SLC24A2: variants seen among roughly 807,000 people sequenced by gnomAD.
SLC24A2 encodes the protein sodium/potassium/calcium exchanger 2.
Under a neutral mutation model 62.0 loss-of-function variants are expected in SLC24A2, and 36 were observed. The observed-to-expected ratio is 0.58, with a 90% CI of 0.44 to 0.77. SLC24A2 has a LOEUF of 0.77. SLC24A2 is among the 30% of genes least tolerant of loss of function. SLC24A2 has a pLI of 0.00. For synonymous variants in SLC24A2, 358 were observed against 294.0 expected (o/e 1.22, Z -2.23); for missense variants, 846 against 817.9 (o/e 1.03, Z -0.42).
chr9:19,611,679 A>T (rs1444937433), intron 4 of SLC24A2, among the ~76,000 whole-genome samples: 1 of 152,060 alleles, frequency 6.6e-6, no homozygotes, highest in African/African-American at 2.4e-5. Context: ...GCCACTGTGA[A>T]ATAAATTGGA....
At chr9:20,091,905 G>A in the SLC24A2 span, among the ~76,000 whole-genome samples, 26 of 152,296 alleles carry the variant, frequency 1.7e-4, no homozygotes, top group South Asian at 3.9e-3. Context: ...GGAATACTAT[G>A]CAGCCATTAA....
intron 2 of SLC24A2, among the ~76,000 whole-genome samples, chr9:19,687,160 A>G (rs1038138902): frequency 2.0e-4 from 30 of 152,100 alleles, no homozygotes; most frequent in Non-Finnish European, 4.4e-4. Flanking sequence ...GTGAGGATCA[A>G]AAAGCTACCT....
At chr9:19,525,192 A>C (rs879765460) in intron 9 of SLC24A2, among the ~76,000 whole-genome samples, 23 of 152,104 alleles carry the variant, frequency 1.5e-4, no homozygotes, top group Non-Finnish European at 3.2e-4. Flanking sequence ...CTGAAGTCAA[A>C]TGTCAGTAAA....
rs564587666 is a variant in SLC24A2 at position 19,698,398 on chromosome 9, A to G, written c.931-76099T>C. Among the ~76,000 whole-genome samples the G allele has an allele frequency of 3.3e-5, 5 of 152,330 alleles. No individual in the cohort carries two copies. In the South Asian group the frequency reaches 8.3e-4, roughly 25 times the overall value. ...TATCATTATATATGTATATGTAGAT[A>G]TTTCAAAGTCCAAACAAAAAAATCT... On this transcript the variant is annotated intron_variant, in intron 2 of 10. Transcript: ENST00000341998.
intron 7 of SLC24A2, among the ~76,000 whole-genome samples, chr9:19,572,820 T>C (rs1239173670): frequency 6.6e-6 from 1 of 152,212 alleles, no homozygotes; most frequent in Admixed American, 6.5e-5. Flanking sequence ...AATAATGGGT[T>C]GGGCCAGAGA....
intron 8 of SLC24A2, among the ~76,000 whole-genome samples, chr9:19,532,587 A>G (rs1472042610): frequency 6.6e-6 from 1 of 152,168 alleles, no homozygotes; most frequent in Non-Finnish European, 1.5e-5. Context: ...CTGTATTCTC[A>G]TTTTAGTTTT....
At position 19,650,412 on chromosome 9, in the gene SLC24A2, A is replaced by G. The variant is rs184196658; in HGVS notation, c.931-28113T>C. Among the ~76,000 whole-genome samples the G allele has an allele frequency of 1.8e-3, 269 of 152,312 alleles. 5 individuals are homozygous for G. Among genetic ancestry groups the G allele is most frequent in the Admixed American group, 0.016 (251 of 15,298 alleles). The stretch of plus-strand genomic sequence containing the variant: ...TTAAGTAGGGATCACACGAAGACCA[A>G]GAAGAACAACCCAGTGAGTGACCAT... On this transcript the variant is annotated intron_variant, in intron 2 of 10. Coordinates refer to ENST00000341998, the MANE Select transcript of SLC24A2 (RefSeq NM_020344.4).
At chr9:20,043,784 T>C in the SLC24A2 span, among the ~76,000 whole-genome samples, 2 of 152,228 alleles carry the variant, frequency 1.3e-5, no homozygotes, top group Non-Finnish European at 1.5e-5. Context: ...ATGCTTCTGA[T>C]GAAGTTGCTG....
the SLC24A2 span, among the ~76,000 whole-genome samples, chr9:19,883,906 T>C: frequency 6.6e-6 from 1 of 152,180 alleles, no homozygotes; most frequent in African/African-American, 2.4e-5. Context: ...TAGACAGAAA[T>C]TGGCCTTATT....
At chr9:20,275,021 T>C in the SLC24A2 span, among the ~76,000 whole-genome samples, 1 of 152,044 alleles carries the variant, frequency 6.6e-6, no homozygotes. Context: ...GGACTCCTGA[T>C]CCAAGGCAAT....
the SLC24A2 span, among the ~76,000 whole-genome samples, chr9:19,913,185 C>A: frequency 1.3e-5 from 2 of 152,064 alleles, no homozygotes; most frequent in Non-Finnish European, 2.9e-5. Context: ...GCTAATGACT[C>A]CAAGATCTAT....
chr9:19,947,034 G>C, the SLC24A2 span, among the ~76,000 whole-genome samples: 1 of 152,224 alleles, frequency 6.6e-6, no homozygotes, highest in Non-Finnish European at 1.5e-5. Flanking sequence ...TTTTATAACA[G>C]TGACAGCTTT....
the SLC24A2 span, among the ~76,000 whole-genome samples, chr9:20,088,115 C>T: frequency 6.6e-6 from 1 of 152,208 alleles, no homozygotes; most frequent in South Asian, 2.1e-4. Flanking sequence ...GGAAAAGTGG[C>T]TGCAACTCTG....
At chr9:19,576,111 G>T (rs932592347) in intron 6 of SLC24A2, among the ~76,000 whole-genome samples, 1 of 152,170 alleles carries the variant, frequency 6.6e-6, no homozygotes, top group African/African-American at 2.4e-5. Flanking sequence ...TAGAAGTTGG[G>T]ATAACAGGAA....
the SLC24A2 span, among the ~76,000 whole-genome samples, chr9:19,930,174 C>T: frequency 2.0e-5 from 3 of 152,148 alleles, no homozygotes; most frequent in Non-Finnish European, 4.4e-5. Context: ...CCTAGGTCTT[C>T]ACATTTACTT....
At chr9:19,760,768 T>C (rs866823682) in intron 2 of SLC24A2, among the ~76,000 whole-genome samples, 1 of 151,976 alleles carries the variant, frequency 6.6e-6, no homozygotes, top group Non-Finnish European at 1.5e-5. Flanking sequence ...AGCCTAACAT[T>C]GATGGGCATT....
In SLC24A2 at chr9:19,760,025, G is replaced by A. The variant is rs1027248268; in HGVS notation, c.930+25912C>T. ...TAACTTTATTTTGTTGAATGTTGGT[G>A]TGATCCACAGATGATTTTCAATATT... On this transcript the variant is annotated intron_variant, in intron 2 of 10. Transcript: ENST00000341998. Among the ~76,000 whole-genome samples the A allele has an allele frequency of 2.0e-5, 3 of 152,126 alleles. 1 individual carries two copies. The highest frequency in any genetic ancestry group is 2.9e-5 in the Non-Finnish European group (2 of 68,022).
At chr9:19,669,892 G>C (rs146119559) in intron 2 of SLC24A2, among the ~76,000 whole-genome samples, 3 of 152,312 alleles carry the variant, frequency 2.0e-5, no homozygotes, top group East Asian at 3.9e-4. Flanking sequence ...CAATGATGAG[G>C]ATGTGGACAT....
At chr9:20,177,411 T>A in the SLC24A2 span, among the ~76,000 whole-genome samples, 1 of 152,136 alleles carries the variant, frequency 6.6e-6, no homozygotes, top group African/African-American at 2.4e-5. Flanking sequence ...AGTTACTTTG[T>A]CTTCTTTGTT....
Sources: allele counts gnomAD v4.1 joint callset (sites outside exome capture counted in the v4.1 genomes callset), GRCh38; gene constraint gnomAD v4.1.1; transcripts MANE v1.5; gene names NCBI Gene and HGNC (gene_info 2026-07-23, HGNC 2026-07-21).